The following NCEH1 variants were observed in gnomAD, a reference collection of about 807,000 sequenced individuals.
NCEH1 encodes 2-acetyl MAGE hydrolase.
Under a neutral mutation model 25.4 loss-of-function variants are expected in NCEH1, and 9 were observed. That is an observed-to-expected ratio of 0.35 (90% confidence interval 0.21 to 0.62). NCEH1 has a LOEUF of 0.62. NCEH1 is among the 20% of genes least tolerant of loss of function. The pLI is 0.72. For synonymous variants in NCEH1, 200 were observed against 199.8 expected, an observed-to-expected ratio of 1.00 and a Z score of -0.01; for missense variants, 412 against 501.1, an observed-to-expected ratio of 0.82 and a Z score of 1.70.
chr3:172,669,229 A>G (rs1289923820), intron 1 of NCEH1, among the ~76,000 whole-genome samples: 1 of 152,252 alleles, frequency 6.6e-6, no homozygotes, highest in Admixed American at 6.5e-5. Context: ...TCGTGTGGGC[A>G]GGGCAACACG....
chr3:172,675,318 T>G (rs1560197002), intron 1 of NCEH1, among the ~76,000 whole-genome samples: 3 of 149,838 alleles, frequency 2.0e-5, no homozygotes, highest in Non-Finnish European at 4.4e-5. Flanking sequence ...AATAAATAAA[T>G]AAATAAATAA....
intron 1 of NCEH1, among the ~76,000 whole-genome samples, chr3:172,682,898 G>A (rs914273468): frequency 6.6e-6 from 1 of 152,182 alleles, no homozygotes; most frequent in Non-Finnish European, 1.5e-5. Context: ...ACATTGCTGT[G>A]AAAATTATCA....
intron 1 of NCEH1, among the ~76,000 whole-genome samples, chr3:172,696,042 A>G (rs1713349951): frequency 6.6e-6 from 1 of 152,208 alleles, no homozygotes; most frequent in Non-Finnish European, 1.5e-5. Flanking sequence ...TCAGCAAACT[A>G]AATCTACGGA....
chr3:172,664,354 T>C (rs972023314), intron 1 of NCEH1, among the ~76,000 whole-genome samples: 4 of 152,246 alleles, frequency 2.6e-5, no homozygotes, highest in Admixed American at 2.0e-4. Flanking sequence ...GGCTTCCCTT[T>C]GTACGTAACC....
chr3:172,637,452 T>C (rs1335042210), intron 3 of NCEH1, among the ~76,000 whole-genome samples: 1 of 152,190 alleles, frequency 6.6e-6, no homozygotes, highest in Non-Finnish European at 1.5e-5. Flanking sequence ...TTTTCCACAG[T>C]CTAAAATCCA....
intron 1 of NCEH1, among the ~76,000 whole-genome samples, chr3:172,687,827 GTGC>G (rs1560203396): frequency 6.6e-6 from 1 of 152,080 alleles, no homozygotes; most frequent in Admixed American, 6.5e-5. Flanking sequence ...AAAATAACAT[GTGC>G]AGGTCAGTCT....
Position 172,710,998 on chromosome 3 carries a change from G to T in NCEH1, c.-14C>A, listed in dbSNP as rs1423968068. 3.7e-6 allele frequency: 6 copies of T among 1,613,770 alleles called. No homozygotes were observed. The highest frequency in any genetic ancestry group is 5.1e-6 in the Non-Finnish European group (6 of 1,180,000). On this transcript the variant is annotated 5_prime_UTR_variant, in exon 1 of 5. Transcript: ENST00000475381. ...GGACGACCTCATCTTGCCCTGGCTC[G>T]GCTCGCCAGCGGGCTGGCAAAGAGG...
intron 1 of NCEH1, among the ~76,000 whole-genome samples, chr3:172,700,908 T>C (rs941341247): frequency 1.3e-5 from 2 of 152,188 alleles, no homozygotes; most frequent in African/African-American, 2.4e-5. Context: ...AAAACCTTCA[T>C]AAAATCTAGA....
intron 3 of NCEH1, 45 bp from the exon 4 acceptor site, chr3:172,636,132 T>G: frequency 2.1e-6 from 3 of 1,419,862 alleles, no homozygotes; most frequent in Non-Finnish European, 2.0e-6. Context: ...TCTCCAATTT[T>G]GGGGGACATT....
intron 1 of NCEH1, among the ~76,000 whole-genome samples, chr3:172,702,682 T>G (rs979649910): frequency 7.9e-5 from 12 of 152,222 alleles, no homozygotes; most frequent in African/African-American, 2.9e-4. Flanking sequence ...GTCAGGTTTT[T>G]CACTTGAAAA....
chr3:172,666,534 C>T (rs888122773), intron 1 of NCEH1, among the ~76,000 whole-genome samples: 7 of 152,156 alleles, frequency 4.6e-5, no homozygotes, highest in Non-Finnish European at 8.8e-5. Flanking sequence ...TTCCTTCTTG[C>T]CTAATAAACT....
At chr3:172,676,760 T>C (rs1712030548) in intron 1 of NCEH1, among the ~76,000 whole-genome samples, 1 of 152,194 alleles carries the variant, frequency 6.6e-6, no homozygotes, top group Admixed American at 6.5e-5. Flanking sequence ...GTTCCTTCAG[T>C]CATCGGAGCC....
chr3:172,692,142 T>C (rs1037318478), intron 1 of NCEH1, among the ~76,000 whole-genome samples: 2 of 152,082 alleles, frequency 1.3e-5, no homozygotes, highest in Admixed American at 6.6e-5. Context: ...AACTGCAGTG[T>C]TTGTTTCAAA....
chr3:172,633,968 C>A lies in NCEH1; in HGVS notation c.734G>T (p.Arg245Leu), dbSNP rs1261848161. ...QQNVNTPILP[R>L]YVMVKYWVDY... ...CACCCAATACTTCACCATGACATAG[C>A]GGGGCAGGATTGGGGTGTTCACATT... The change falls in exon 5 of 5, where the codon CGC becomes CTC. Residue 245 changes from arginine (R) to leucine (L), a missense_variant. Physicochemically the swap from Arg to Leu is moderately radical, Grantham distance 102 (BLOSUM62 -2). This residue lies in a region of NCEH1 where 210 missense variants were observed against 258.2 expected (regional missense o/e 0.81). Transcript: ENST00000475381. 4 of 1,614,020 alleles carry A rather than the reference C, an allele frequency of 2.5e-6. No homozygotes were observed. Among genetic ancestry groups the A allele is most frequent in the Non-Finnish European group, 3.4e-6 (4 of 1,180,018 alleles).
intron 1 of NCEH1, among the ~76,000 whole-genome samples, chr3:172,652,582 T>G (rs1717452605): frequency 6.6e-6 from 1 of 152,220 alleles, no homozygotes; most frequent in Non-Finnish European, 1.5e-5. Context: ...GGAATAAGTT[T>G]CCTACCTAAA....
Position 172,696,962 on chromosome 3 carries a change from G to T in NCEH1, c.138+13885C>A, listed in dbSNP as rs565579709. Among the ~76,000 whole-genome samples the T allele has an allele frequency of 1.5e-3, 222 of 152,232 alleles. 1 individual carries two copies. Among genetic ancestry groups the T allele is most frequent in the African/African-American group, 5.0e-3 (208 of 41,540 alleles). On this transcript the variant is annotated intron_variant, in intron 1 of 4. Coordinates refer to ENST00000475381, the MANE Select transcript of NCEH1 (RefSeq NM_020792.6). ...TTTTTTTGACAGAGAGTCTCACTCT[G>T]TCGTCCAGGCTGGAGTACAATGGCG...
At chr3:172,636,889 C>T (rs529640271) in intron 3 of NCEH1, among the ~76,000 whole-genome samples, 1 of 152,108 alleles carries the variant, frequency 6.6e-6, no homozygotes, top group South Asian at 2.1e-4. Flanking sequence ...GTTTAGAGTT[C>T]CCTCTCACTC....
intron 1 of NCEH1, among the ~76,000 whole-genome samples, chr3:172,666,701 T>A (rs1346302932): frequency 6.6e-6 from 1 of 152,178 alleles, no homozygotes; most frequent in Non-Finnish European, 1.5e-5. Flanking sequence ...GGAGCAAATC[T>A]CAATCTCAGA....
intron 1 of NCEH1, among the ~76,000 whole-genome samples, chr3:172,675,146 C>G (rs1295037746): frequency 6.6e-6 from 1 of 151,940 alleles, no homozygotes; most frequent in Non-Finnish European, 1.5e-5. Context: ...CCCAGCTCTA[C>G]CAAAAATATA....
Sources: gnomAD v4.1 joint callset for allele counts (sites outside exome capture counted in the v4.1 genomes callset) on GRCh38, gnomAD v4.1.1 for gene constraint, gnomAD v4.1.1 regional missense constraint, MANE v1.5 for transcripts, NCBI Gene and HGNC (gene_info 2026-07-23, HGNC 2026-07-21) for gene names.